Variants in ATP5MC2 observed in about 807,000 individuals in gnomAD.
The protein encoded by ATP5MC2 is ATP synthase F(0) complex subunit C2, mitochondrial.
A neutral mutation model predicts 13.5 loss-of-function variants in ATP5MC2; 11 were observed. The observed-to-expected ratio is 0.81, with a 90% confidence interval of 0.51 to 1.35. The LOEUF (loss-of-function observed/expected upper bound fraction) is 1.35. Among genes scored for constraint, ATP5MC2 ranks in the 40% most tolerant of loss-of-function variants. ATP5MC2 has a pLI of 0.00. For synonymous variants in ATP5MC2, 64 were observed against 69.7 expected (o/e 0.92, Z 0.41); for missense variants, 132 against 175.0 (o/e 0.75, Z 1.39).
Position 53,671,586 on chromosome 12 carries a change from C to G in ATP5MC2, c.39+990G>C, listed in dbSNP as rs2857001. ...GGCTAACTCAGGACAAGATCCTACACACAGTGCATACTCAGTCCAAGTTAT... is the reference window on the plus strand; with the variant it reads ...GGCTAACTCAGGACAAGATCCTACAGACAGTGCATACTCAGTCCAAGTTAT... On this transcript the variant is annotated intron_variant, in intron 2 of 4. Transcript: ENST00000394349. 6.0e-3 allele frequency among the ~76,000 whole-genome samples: 921 copies of G among 152,338 alleles called. 6 individuals are homozygous for G. The highest frequency in any genetic ancestry group is 7.6e-3 in the Non-Finnish European group (514 of 68,040).
At position 53,665,191 on chromosome 12, in the gene ATP5MC2, T is replaced by C. The variant is rs1391923954; in HGVS notation, c.*123A>G. The C allele has an allele frequency of 1.5e-6, 1 of 669,904 alleles. No homozygotes were observed. 41.5% of individuals were successfully genotyped at this position (669,904 alleles called of 1,614,324 possible). The stretch of plus-strand genomic sequence containing the variant: ...AACATCTTATTAATACAGTATTTAT[T>C]TGTCTTTTCTCTGTCAAACCCTGAG... On this transcript the variant is annotated 3_prime_UTR_variant, in exon 5 of 5. Transcript: ENST00000394349.
upstream of ATP5MC2, among the ~76,000 whole-genome samples, chr12:53,679,238 CGAGAGAGAGAGAGAGAGAGA>C (rs59340879): frequency 3.9e-5 from 5 of 127,682 alleles, no homozygotes; most frequent in Admixed American, 7.7e-5. Flanking sequence ...ATTTTAAAAA[CGAGAGAGAGAGAGAGAGAGA>C]GAGAGAGAGA....
At chr12:53,675,199 C>G (rs769032717) in intron 1 of ATP5MC2, among the ~76,000 whole-genome samples, 2 of 151,844 alleles carry the variant, frequency 1.3e-5, no homozygotes, top group Non-Finnish European at 2.9e-5. Flanking sequence ...GGGGTAGTAA[C>G]TTAACTATTC....
chr12:53,670,835 C>A (rs1177780332), intron 2 of ATP5MC2, among the ~76,000 whole-genome samples: 1 of 151,906 alleles, frequency 6.6e-6, no homozygotes, highest in Non-Finnish European at 1.5e-5. Flanking sequence ...ATTGGCCAGG[C>A]TGGTTTTGAA....
chr12:53,675,418 A>G (rs1039522512), intron 1 of ATP5MC2, among the ~76,000 whole-genome samples: 1 of 152,180 alleles, frequency 6.6e-6, no homozygotes, highest in Admixed American at 6.5e-5. Flanking sequence ...GGATGCGAGA[A>G]AGGTACTGGT....
intron 4 of ATP5MC2, among the ~76,000 whole-genome samples, chr12:53,667,364 A>G (rs913715500): frequency 6.6e-6 from 1 of 152,140 alleles, no homozygotes; most frequent in African/African-American, 2.4e-5. Flanking sequence ...TAAAGCCACT[A>G]TGTTCACTGA....
chr12:53,668,644 C>T (rs866885424), intron 4 of ATP5MC2, among the ~76,000 whole-genome samples: 1 of 152,262 alleles, frequency 6.6e-6, no homozygotes, highest in African/African-American at 2.4e-5. Flanking sequence ...CCTCTAGCCA[C>T]ATCTGGCTAC....
upstream of ATP5MC2, among the ~76,000 whole-genome samples, chr12:53,681,234 A>G (rs1049080278): frequency 6.6e-6 from 1 of 151,376 alleles, no homozygotes; most frequent in Non-Finnish European, 1.5e-5. Flanking sequence ...AAAGAAAAAG[A>G]AAAAAACAAG....
chr12:53,672,242 GAC>G (rs1487870939), intron 2 of ATP5MC2, among the ~76,000 whole-genome samples: 1 of 151,986 alleles, frequency 6.6e-6, no homozygotes, highest in Admixed American at 6.6e-5. Context: ...TATTTTTTGA[GAC>G]AGAGTCTTGC....
rs776851624 is a variant in ATP5MC2 at position 53,669,290 on chromosome 12, G to A, written c.169C>T (p.Arg57Cys). The A allele has an allele frequency of 8.7e-6, 14 of 1,613,992 alleles. No individual in the cohort carries two copies. The highest frequency in any genetic ancestry group is 4.5e-5 in the East Asian group (2 of 44,892). ...GAAATGGCGCTGGTTTGGAAGCTGC[G>A]GCTAGAGACAAGTGAGGTAAGGGGA... ...SCPLTSLVSS[R>C]SFQTSAISRD... The change falls in exon 4 of 5, where the codon CGC (arginine) becomes TGC (cysteine). Residue 57 changes from arginine (R) to cysteine (C), a missense_variant. Transcript: ENST00000394349.
chr12:53,668,850 CT>C (rs1158571705), intron 4 of ATP5MC2, among the ~76,000 whole-genome samples: 1 of 152,020 alleles, frequency 6.6e-6, no homozygotes, highest in Non-Finnish European at 1.5e-5. Context: ...GAAACCCCAT[CT>C]CTACTAAAAC....
chr12:53,670,006 G>C (rs1377345053), intron 2 of ATP5MC2, 58 bp from the exon 3 acceptor site: 3 of 1,505,068 alleles, frequency 2.0e-6, no homozygotes, highest in Non-Finnish European at 2.8e-6. Context: ...AGGAGTTTCA[G>C]AACTATGCCA....
intron 4 of ATP5MC2, among the ~76,000 whole-genome samples, chr12:53,667,447 G>A (rs899792505): frequency 6.6e-6 from 1 of 152,094 alleles, no homozygotes; most frequent in African/African-American, 2.4e-5. Flanking sequence ...TTTGTGGGCC[G>A]CATATAGTCT....
At chr12:53,673,889 T>A (rs1375724693) in intron 1 of ATP5MC2, 2 of 156,256 alleles carry the variant, frequency 1.3e-5, no homozygotes, top group Non-Finnish European at 2.9e-5. Flanking sequence ...CCTATAGGTA[T>A]CTAAGTTGGT....
chr12:53,676,318 T>TAACGTGG, upstream of ATP5MC2: 1 of 1,410,354 alleles, frequency 7.1e-7, no homozygotes, highest in Non-Finnish European at 9.6e-7. Context: ...AGCCGATCCG[T>TAACGTGG]AACGTGGACT....
At chr12:53,667,956 C>T (rs75009832) in intron 4 of ATP5MC2, among the ~76,000 whole-genome samples, 3,780 of 66,494 alleles carry the variant, frequency 0.057, 326 homozygotes, top group African/African-American at 0.16. Context: ...CATACACACA[C>T]ATATATATAT....
At chr12:53,681,031 C>CA (rs1202285743), upstream of ATP5MC2, among the ~76,000 whole-genome samples, 459 of 151,424 alleles carry the variant, frequency 3.0e-3, 3 homozygotes, top group African/African-American at 0.011. Flanking sequence ...CTCAGCCTCC[C>CA]AAGTAGCTGG....
intron 3 of ATP5MC2, 80 bp downstream of exon 3, chr12:53,669,791 A>G (rs1394030612): frequency 1.4e-6 from 2 of 1,458,426 alleles, no homozygotes; most frequent in Non-Finnish European, 1.9e-6. Flanking sequence ...TGTCCTCAGC[A>G]TTCTACCTCC....
chr12:53,678,091 G>A (rs573591064), upstream of ATP5MC2, among the ~76,000 whole-genome samples: 1 of 152,310 alleles, frequency 6.6e-6, no homozygotes, highest in South Asian at 2.1e-4. Context: ...TACAGCCTGC[G>A]ATGTTTAACA....
Sources: gnomAD v4.1 joint callset for allele counts (sites outside exome capture counted in the v4.1 genomes callset) on GRCh38, gnomAD v4.1.1 for gene constraint, MANE v1.5 for transcripts, NCBI Gene and HGNC (gene_info 2026-07-23, HGNC 2026-07-21) for gene names.